HOXC13: variants seen among roughly 807,000 people sequenced by gnomAD.
HOXC13 encodes the protein homeobox C13.
Under a neutral mutation model 25.9 loss-of-function variants are expected in HOXC13, and 10 were observed. The ratio of observed to expected loss-of-function variants is 0.39; its 90% confidence interval spans 0.24 to 0.65. HOXC13 has a LOEUF of 0.65. HOXC13 is among the 30% of genes least tolerant of loss of function. The pLI, the probability that HOXC13 is intolerant of heterozygous loss-of-function variation, is 0.50. For synonymous variants in HOXC13, 233 were observed against 217.1 expected (o/e 1.07, Z -0.64); for missense variants, 439 against 478.3 (o/e 0.92, Z 0.77).
intron 1 of HOXC13, 121 bp from the exon 2 acceptor site, chr12:53,944,879 C>T: frequency 1.6e-6 from 2 of 1,213,636 alleles, no homozygotes; most frequent in East Asian, 2.3e-5. Flanking sequence ...CTTCACTATG[C>T]AGTGCAATCC....
Position 53,939,231 on chromosome 12 carries a change from C to T in HOXC13, c.325C>T (p.Pro109Ser), listed in dbSNP as rs967971137. The change falls in exon 1 of 2, where the codon CCC (proline) becomes TCC (serine). Residue 109 changes from proline to serine, a missense_variant. Coordinates refer to ENST00000243056, the MANE Select transcript of HOXC13 (RefSeq NM_017410.3). This position sits in a 1 kb window ranked among gnomAD's most constrained non-coding sequence, Gnocchi z 6.7. The part of the protein sequence containing the change: ...PEAARQCAPP[P>S]APPTSSSATL... ...GGCGGCGCGCCAGTGTGCCCCGCCG[C>T]CCGCACCCCCCACCTCGTCCAGCGC... The T allele has an allele frequency of 9.7e-6, 15 of 1,538,818 alleles. No individual in the cohort carries two copies. Among genetic ancestry groups the T allele is most frequent in the Non-Finnish European group, 1.2e-5 (14 of 1,144,458 alleles).
chr12:53,943,085 G>C (rs2136357112), intron 1 of HOXC13, among the ~76,000 whole-genome samples: 1 of 152,300 alleles, frequency 6.6e-6, no homozygotes, highest in African/African-American at 2.4e-5. Flanking sequence ...TGTATTAGCT[G>C]GCCTATTTCC....
In HOXC13 at chr12:53,945,070, G is replaced by A; in HGVS notation, c.807G>A (p.Lys269=). 1 of 1,614,142 alleles carries A rather than the reference G, an allele frequency of 6.2e-7. No individual in the cohort carries two copies. Among genetic ancestry groups the A allele is most frequent in the Non-Finnish European group, 8.5e-7 (1 of 1,180,034 alleles). The change falls in exon 2 of 2, where the codon AAG becomes AAA. Residue 269 remains lysine (K), a synonymous_variant. Transcript: ENST00000243056. This position sits in a 1 kb window ranked among gnomAD's most constrained non-coding sequence, Gnocchi z 4.4. The stretch of plus-strand genomic sequence containing the variant: ...GCAAGAAACGCGTGCCCTACACTAA[G>A]GTGCAGCTGAAGGAGCTAGAGAAGG... The part of the protein sequence containing the change: ...RGRKKRVPYT[K]VQLKELEKEY...
chr12:53,943,333 T>A (rs1364977050), intron 1 of HOXC13, among the ~76,000 whole-genome samples: 1 of 152,238 alleles, frequency 6.6e-6, no homozygotes, highest in African/African-American at 2.4e-5. Flanking sequence ...CAACAAATCG[T>A]CAATTTCCCA....
At chr12:53,942,190 T>G (rs1179847003) in intron 1 of HOXC13, among the ~76,000 whole-genome samples, 4 of 86,436 alleles carry the variant, frequency 4.6e-5, no homozygotes, top group Admixed American at 1.9e-4. Flanking sequence ...TTTTTTTTTT[T>G]TGAGAGAGAG....
rs1938566191 is a variant in HOXC13 at position 53,939,176 on chromosome 12, C to T, written c.270C>T (p.Gly90=). ...CGGCTCCCCTGGGCGCCCCTCAGGGCGCCGTCTATACGGACATCCCGGCCC... is the reference window on the plus strand; with the variant it reads ...CGGCTCCCCTGGGCGCCCCTCAGGGTGCCGTCTATACGGACATCCCGGCCC... ...RPPAPLGAPQ[G]AVYTDIPAPE... Residue 90 remains glycine (G), a synonymous_variant, in exon 1 of 2, where the codon GGC becomes GGT. Coordinates refer to ENST00000243056, the MANE Select transcript of HOXC13 (RefSeq NM_017410.3). The surrounding 1 kb of genome is among the most constrained non-coding windows in gnomAD (Gnocchi z 6.7). 6.6e-7 allele frequency: 1 copy of T among 1,506,676 alleles called. No individual in the cohort carries two copies. Among genetic ancestry groups the T allele is most frequent in the Middle Eastern group, 2.0e-4 (1 of 4,926 alleles). The allele number at this position is 1,506,676 out of a possible 1,614,324, so 93.3% of individuals were successfully genotyped here. A position where few individuals can be genotyped will look rare whatever the true frequency, so the allele number is the denominator to read the frequency against.
intron 1 of HOXC13, among the ~76,000 whole-genome samples, chr12:53,941,564 CACAAAACAAAACAAA>C (rs10578693): frequency 2.5e-4 from 38 of 151,732 alleles, no homozygotes; most frequent in Middle Eastern, 3.4e-3. Context: ...ATTCCTAGGA[CACAAAACAAAACAAA>C]ACAAAACAAA....
At position 53,939,127 on chromosome 12, in the gene HOXC13, C is replaced by A; in HGVS notation, c.221C>A (p.Pro74Gln). Residue 74 changes from proline to glutamine, a missense_variant, in exon 1 of 2, where the codon CCG becomes CAG. By Grantham distance (76) the Pro-to-Gln change is moderately conservative (BLOSUM62 -1). Coordinates refer to ENST00000243056, the MANE Select transcript of HOXC13 (RefSeq NM_017410.3). This position sits in a 1 kb window ranked among gnomAD's most constrained non-coding sequence, Gnocchi z 6.7. ...GCCAGCCACTGCCGCGACCTGCTTC[C>A]GCACCCCGTGCTGGGCCGCCCGCCG... is the stretch of plus-strand genomic sequence containing the variant. ...CPASHCRDLL[P>Q]HPVLGRPPAP... 6.8e-7 allele frequency: 1 copy of A among 1,465,756 alleles called. No homozygotes were observed. The highest frequency in any genetic ancestry group is 8.9e-7 in the Non-Finnish European group (1 of 1,119,864). The allele number at this position is 1,465,756 out of a possible 1,614,324, so 90.8% of individuals were successfully genotyped here.
chr12:53,945,650 A>C lies in HOXC13; in HGVS notation c.*394A>C. The C allele has an allele frequency of 3.2e-6, 1 of 313,166 alleles. No individual in the cohort carries two copies. The highest frequency in any genetic ancestry group is 6.0e-6 in the Non-Finnish European group (1 of 166,428). 19.4% of individuals were successfully genotyped at this position (313,166 alleles called of 1,614,324 possible). A position where few individuals can be genotyped will look rare whatever the true frequency, so the allele number is the denominator to read the frequency against. On this transcript the variant is annotated 3_prime_UTR_variant, in exon 2 of 2. Transcript: ENST00000243056. The surrounding 1 kb of genome is among the most constrained non-coding windows in gnomAD (Gnocchi z 4.4). ...ATGGCCCCAATTCTTGCCTCATCCT[A>C]TGACCAGGCTTTTAGAGGACCTTCC...
chr12:53,943,276 C>G (rs1159713050), intron 1 of HOXC13, among the ~76,000 whole-genome samples: 1 of 152,142 alleles, frequency 6.6e-6, no homozygotes, highest in Non-Finnish European at 1.5e-5. Flanking sequence ...ACAACAAAAG[C>G]AACAAACTCA....
At position 53,939,880 on chromosome 12, in the gene HOXC13, G is replaced by C. The variant is rs1938581632; in HGVS notation, c.736+238G>C. On this transcript the variant is annotated intron_variant, in intron 1 of 1. Coordinates refer to ENST00000243056, the MANE Select transcript of HOXC13 (RefSeq NM_017410.3). The surrounding 1 kb of genome is among the most constrained non-coding windows in gnomAD (Gnocchi z 6.7). ...AAGCAATCACAGGCGCCCGAAAGCC[G>C]GGCCGCCGGCTCTGCTCTGTCCGGT... 6.6e-6 allele frequency among the ~76,000 whole-genome samples: 1 copy of C among 152,340 alleles called. No individual in the cohort carries two copies. Among genetic ancestry groups the C allele is most frequent in the African/African-American group, 2.4e-5 (1 of 41,576 alleles).
intron 1 of HOXC13, among the ~76,000 whole-genome samples, chr12:53,940,567 G>T (rs994842884): frequency 7.9e-5 from 12 of 152,228 alleles, no homozygotes; most frequent in African/African-American, 2.9e-4. Flanking sequence ...TCCAGTTGAA[G>T]AGAGAAAGGC....
chr12:53,940,418 C>A (rs577849289), intron 1 of HOXC13, among the ~76,000 whole-genome samples: 193 of 152,212 alleles, frequency 1.3e-3, no homozygotes, highest in South Asian at 2.7e-3. Context: ...GAAAGAAGGG[C>A]GTGGGGATGA....
In HOXC13 at chr12:53,945,976, CTCAGTCAACAT is replaced by C. The variant is rs1938687124; in HGVS notation, c.*721_*731del. 1 of 231,884 alleles carries C rather than the reference CTCAGTCAACAT, an allele frequency of 4.3e-6. No homozygotes were observed. Among genetic ancestry groups the C allele is most frequent in the Non-Finnish European group, 8.5e-6 (1 of 117,310 alleles). The allele number at this position is 231,884 out of a possible 1,614,324, so 14.4% of individuals were successfully genotyped here. On this transcript the variant is annotated 3_prime_UTR_variant, in exon 2 of 2. Transcript: ENST00000243056. This position sits in a 1 kb window ranked among gnomAD's most constrained non-coding sequence, Gnocchi z 4.4. ...CCCACTGCCTCCCCTGTTCTGCTCT[CTCAGTCAACAT>C]GTGGAAATCCAAGGAGGACAAAGAC...
At chr12:53,942,605 A>G (rs1011863889) in intron 1 of HOXC13, among the ~76,000 whole-genome samples, 1 of 152,192 alleles carries the variant, frequency 6.6e-6, no homozygotes, top group African/African-American at 2.4e-5. Flanking sequence ...TAAGATTAAT[A>G]ACTAAGCCCC....
At position 53,939,157 on chromosome 12, in the gene HOXC13, C is replaced by A. The variant is rs1201985703; in HGVS notation, c.251C>A (p.Pro84His). Reference protein sequence around the residue: ...PHPVLGRPPAPLGAPQGAVYT... With the variant: ...PHPVLGRPPAHLGAPQGAVYT... ...CCCGTGCTGGGCCGCCCGCCGGCTC[C>A]CCTGGGCGCCCCTCAGGGCGCCGTC... Residue 84 changes from proline (P) to histidine (H), a missense_variant, in exon 1 of 2, where the codon CCC (proline) becomes CAC (histidine). Transcript: ENST00000243056. This position sits in a 1 kb window ranked among gnomAD's most constrained non-coding sequence, Gnocchi z 6.7. The A allele has an allele frequency of 4.7e-6, 7 of 1,481,420 alleles. No individual in the cohort carries two copies. In the Admixed American group the frequency reaches 1.5e-4, roughly 31 times the overall value. The allele number at this position is 1,481,420 out of a possible 1,614,324, so 91.8% of individuals were successfully genotyped here.
At position 53,938,900 on chromosome 12, in the gene HOXC13, T is replaced by C; in HGVS notation, c.-7T>C. On this transcript the variant is annotated 5_prime_UTR_variant, in exon 1 of 2. Coordinates refer to ENST00000243056, the MANE Select transcript of HOXC13 (RefSeq NM_017410.3). ...GGAGTTTTTAAAAAGCTCCAGCAGATCATGTCATGACGACTTCGCTGCTCC... is the reference window on the plus strand; with the variant it reads ...GGAGTTTTTAAAAAGCTCCAGCAGACCATGTCATGACGACTTCGCTGCTCC... 6.4e-7 allele frequency: 1 copy of C among 1,551,760 alleles called. No homozygotes were observed. The highest frequency in any genetic ancestry group is 8.6e-7 in the Non-Finnish European group (1 of 1,156,766).
chr12:53,945,068 A>G lies in HOXC13; in HGVS notation c.805A>G (p.Lys269Glu). ...GCGCAAGAAACGCGTGCCCTACACT[A>G]AGGTGCAGCTGAAGGAGCTAGAGAA... ...RGRKKRVPYT[K>E]VQLKELEKEY... Residue 269 changes from lysine (K) to glutamate (E), a missense_variant, in exon 2 of 2, where the codon AAG (lysine) becomes GAG (glutamate). Lys to Glu is a moderately conservative substitution (Grantham distance 56). Coordinates refer to ENST00000243056, the MANE Select transcript of HOXC13 (RefSeq NM_017410.3). This position sits in a 1 kb window ranked among gnomAD's most constrained non-coding sequence, Gnocchi z 4.4. The G allele has an allele frequency of 1.9e-6, 3 of 1,614,120 alleles. No individual in the cohort carries two copies. The highest frequency in any genetic ancestry group is 2.5e-6 in the Non-Finnish European group (3 of 1,180,016).
chr12:53,939,401 G>C lies in HOXC13; in HGVS notation c.495G>C (p.Leu165=), dbSNP rs1211017531. 6.2e-7 allele frequency: 1 copy of C among 1,605,300 alleles called. No homozygotes were observed. The highest frequency in any genetic ancestry group is 8.5e-7 in the Non-Finnish European group (1 of 1,177,880). Residue 165 remains leucine (L), a synonymous_variant, in exon 1 of 2, where the codon CTG becomes CTC. Coordinates refer to ENST00000243056, the MANE Select transcript of HOXC13 (RefSeq NM_017410.3). This position sits in a 1 kb window ranked among gnomAD's most constrained non-coding sequence, Gnocchi z 6.7. ...CGGGCGCCCTGCCCGGTGACGACCT[G>C]TCCTCTAGGGCCAAGGAGTTCGCCT... ...EPSGALPGDD[L]SSRAKEFAFY...
Sources: gnomAD v4.1 joint callset for allele counts (sites outside exome capture counted in the v4.1 genomes callset) on GRCh38, gnomAD v4.1.1 for gene constraint, Gnocchi (gnomAD v3.1) non-coding constraint, MANE v1.5 for transcripts, NCBI Gene and HGNC (gene_info 2026-07-23, HGNC 2026-07-21) for gene names.